Variants in KLC2 observed in about 807,000 individuals in gnomAD.
KLC2 encodes the protein KLC 2.
In KLC2, 35 loss-of-function variants were observed where a neutral mutation model predicts 75.1. The observed-to-expected ratio is 0.47, with a 90% CI of 0.36 to 0.62. The LOEUF is 0.62. Ranked by LOEUF, KLC2 falls within the 20% of genes least tolerant of loss-of-function variation. KLC2 has a pLI of 0.00. For synonymous variants in KLC2, 314 were observed against 336.7 expected, an observed-to-expected ratio of 0.93 and a Z score of 0.74; for missense variants, 611 against 833.2, an observed-to-expected ratio of 0.73 and a Z score of 3.28.
At chr11:66,244,251 C>T in the KLC2 span, 1 of 152,438 alleles carries the variant, frequency 6.6e-6, no homozygotes, top group Non-Finnish European at 1.5e-5. Context: ...CCATTCATCT[C>T]CCTCCTCCCA....
At chr11:66,254,632 T>C (rs917479354), upstream of KLC2, among the ~76,000 whole-genome samples, 16 of 135,336 alleles carry the variant, frequency 1.2e-4, no homozygotes, top group Admixed American at 1.1e-3. Flanking sequence ...GGCACTGCAC[T>C]GCACCCTGGG....
At chr11:66,251,027 C>G in the KLC2 span, among the ~76,000 whole-genome samples, 2 of 152,078 alleles carry the variant, frequency 1.3e-5, no homozygotes, top group Non-Finnish European at 2.9e-5. Flanking sequence ...TACAACACAC[C>G]GGGAGAAACA....
In KLC2 at chr11:66,266,228, C is replaced by T. The variant is rs777042801; in HGVS notation, c.1727+11C>T. 1.3e-5 allele frequency: 21 copies of T among 1,591,932 alleles called. No individual in the cohort carries two copies. The Admixed American group carries it at 3.5e-4, about 26-fold the overall frequency. On this transcript the variant is annotated intron_variant, in intron 14 of 15. Coordinates refer to ENST00000394067, the MANE Select transcript of KLC2 (RefSeq NM_001318734.2). The stretch of plus-strand genomic sequence containing the variant: ...GCCCCCTAACCCCAGGTGAGCCCCC[C>T]ACCAAGGTGAGCCTCAAGAACCACC...
At chr11:66,260,707 C>T (rs375693091) in intron 2 of KLC2, among the ~76,000 whole-genome samples, 2 of 152,118 alleles carry the variant, frequency 1.3e-5, no homozygotes, top group African/African-American at 4.8e-5. Flanking sequence ...AGTGATTCTC[C>T]TGCCTCAGCC....
At chr11:66,245,516 GACC>G in the KLC2 span, among the ~76,000 whole-genome samples, 1 of 152,158 alleles carries the variant, frequency 6.6e-6, no homozygotes, top group African/African-American at 2.4e-5. Context: ...AGGAGATTAA[GACC>G]ATCCTGGCCA....
Position 66,263,674 on chromosome 11 carries a change from A to G in KLC2, c.767A>G (p.Tyr256Cys). 6.2e-7 allele frequency: 1 copy of G among 1,613,660 alleles called. No homozygotes were observed. Among genetic ancestry groups the G allele is most frequent in the Non-Finnish European group, 8.5e-7 (1 of 1,179,608 alleles). ...CCTGCTCCCAGGGATCAGAACAAGTACAAGGAGGCTGCCCACCTGCTCAAT... is the reference window on the plus strand; with the variant it reads ...CCTGCTCCCAGGGATCAGAACAAGTGCAAGGAGGCTGCCCACCTGCTCAAT... ...LALVYRDQNKYKEAAHLLNDA... is the reference protein window; with the variant it reads ...LALVYRDQNKCKEAAHLLNDA... Residue 256 changes from tyrosine to cysteine, a missense_variant, in exon 6 of 16, where the codon TAC (tyrosine) becomes TGC (cysteine). By Grantham distance (194) the Tyr-to-Cys change is radical. Transcript: ENST00000394067.
Position 66,267,357 on chromosome 11 carries a change from T to C in KLC2, c.*401T>C, listed in dbSNP as rs766181716. Reference sequence around the variant, plus strand: ...CTTCTGTATATAGAGAAATAAGTTATTGGCCGCGCGCCTCCCTTCAGTCCA... The same window carrying C: ...CTTCTGTATATAGAGAAATAAGTTACTGGCCGCGCGCCTCCCTTCAGTCCA... On this transcript the variant is annotated 3_prime_UTR_variant, in exon 16 of 16. Coordinates refer to ENST00000394067, the MANE Select transcript of KLC2 (RefSeq NM_001318734.2). 22 of 736,174 alleles carry C rather than the reference T, an allele frequency of 3.0e-5. No homozygotes were observed. The African/African-American group carries it at 3.5e-4, about 12-fold the overall frequency. The allele number at this position is 736,174 out of a possible 1,614,324, so 45.6% of individuals were successfully genotyped here. A position where few individuals can be genotyped will look rare whatever the true frequency, so the allele number is the denominator to read the frequency against.
Position 66,258,689 on chromosome 11 carries a change from G to C in KLC2, c.95G>C (p.Arg32Pro). Residue 32 changes from arginine (R) to proline (P), a missense_variant, in exon 2 of 16, where the codon CGT becomes CCT. Arg to Pro is a moderately radical substitution (Grantham distance 103). Coordinates refer to ENST00000394067, the MANE Select transcript of KLC2 (RefSeq NM_001318734.2). ...GTCATCCAGGGACTGGAGACTCTGC[G>C]TGGGGAGCATCGTGCCCTGCTGGCT... ...KAVIQGLETL[R>P]GEHRALLAPL... The C allele has an allele frequency of 6.2e-7, 1 of 1,613,970 alleles. No homozygotes were observed. Among genetic ancestry groups the C allele is most frequent in the Non-Finnish European group, 8.5e-7 (1 of 1,179,972 alleles).
chr11:66,258,881 G>C, intron 2 of KLC2, 59 bp downstream of exon 2: 1 of 1,197,604 alleles, frequency 8.4e-7, no homozygotes, highest in Non-Finnish European at 1.2e-6. Flanking sequence ...CCTTCAAGAG[G>C]AATCCGGTAA....
At chr11:66,264,592 C>T (rs976991821) in intron 9 of KLC2, 148 bp downstream of exon 9, 2 of 680,694 alleles carry the variant, frequency 2.9e-6, no homozygotes, top group Non-Finnish European at 5.3e-6. Flanking sequence ...GCCCAGCCAC[C>T]TGTGCTCACG....
upstream of KLC2, among the ~76,000 whole-genome samples, chr11:66,253,689 A>G (rs1275067164): frequency 6.6e-6 from 1 of 152,234 alleles, no homozygotes; most frequent in African/African-American, 2.4e-5. Flanking sequence ...ACACAGTGCA[A>G]TCCTCAGAGA....
rs774124559 is a variant in KLC2, at chr11:66,262,851, T to C, written c.567T>C (p.His189=). 15 of 1,613,204 alleles carry C rather than the reference T, an allele frequency of 9.3e-6. No homozygotes were observed. In the East Asian group the frequency reaches 2.7e-4, roughly 29 times the overall value. Residue 189 remains histidine (H), a synonymous_variant, in exon 5 of 16, where the codon CAT becomes CAC. Transcript: ENST00000394067. ...SPGGGDVSGQ[H]GGYEIPARLR... is the part of the protein sequence containing the mutation. ...GAGGAGGGGATGTGTCTGGTCAGCA[T>C]GGGGGCTACGAGATCCCGGCCCGGC...
Position 66,258,838 on chromosome 11 carries a change from G to A in KLC2, c.228+16G>A, listed in dbSNP as rs1207261700. Reference sequence around the variant, plus strand: ...GGAGGCCCAGGTAGGTCAGTCTGGGGCACTGAGGTGGGAGGTCACTGGAGG... The same window carrying A: ...GGAGGCCCAGGTAGGTCAGTCTGGGACACTGAGGTGGGAGGTCACTGGAGG... On this transcript the variant is annotated intron_variant, in intron 2 of 15. Transcript: ENST00000394067. 1.9e-6 allele frequency: 3 copies of A among 1,569,132 alleles called. No individual in the cohort carries two copies. Among genetic ancestry groups the A allele is most frequent in the Admixed American group, 3.4e-5 (2 of 59,432 alleles).
At chr11:66,262,687 A>G (rs1007509901) in intron 4 of KLC2, 127 bp from the exon 5 acceptor site, 9 of 688,780 alleles carry the variant, frequency 1.3e-5, no homozygotes, top group Non-Finnish European at 1.8e-5. Context: ...AAATGGGGAA[A>G]CTGAGAAAGA....
chr11:66,265,544 G>A (rs1160573785), intron 11 of KLC2, 111 bp from the exon 12 acceptor site: 1 of 881,560 alleles, frequency 1.1e-6, no homozygotes, highest in Non-Finnish European at 1.7e-6. Context: ...GGAAGGAATG[G>A]ATTCTGGCTA....
chr11:66,245,712 C>CT, the KLC2 span, among the ~76,000 whole-genome samples: 2 of 144,842 alleles, frequency 1.4e-5, no homozygotes, highest in African/African-American at 2.6e-5. Flanking sequence ...GAGACTCCGT[C>CT]TCAAAAAAAA....
chr11:66,263,585 C>T (rs1565172509), intron 5 of KLC2, 75 bp from the exon 6 acceptor site: 1 of 1,011,318 alleles, frequency 9.9e-7, no homozygotes, highest in East Asian at 2.4e-5. Context: ...ACAGGAGTGA[C>T]CACAGGGATT....
In KLC2 at chr11:66,261,905, A is replaced by G. The variant is rs1350064237; in HGVS notation, c.392A>G (p.Glu131Gly). Reference protein sequence around the residue: ...QRSEQAVAQLEEEKQHLLFMS... With the variant: ...QRSEQAVAQLGEEKQHLLFMS... ...AGTGAGCAGGCCGTGGCCCAGCTCG[A>G]GGAGGAGAAGCAGCACTTGCTGTTC... The change falls in exon 3 of 16, where the codon GAG becomes GGG. Residue 131 changes from glutamate (E) to glycine (G), a missense_variant. Coordinates refer to ENST00000394067, the MANE Select transcript of KLC2 (RefSeq NM_001318734.2). The G allele has an allele frequency of 1.2e-6, 2 of 1,614,088 alleles. No individual in the cohort carries two copies. Among genetic ancestry groups the G allele is most frequent in the Admixed American group, 1.7e-5 (1 of 60,010 alleles).
In KLC2 at chr11:66,258,725, C is replaced by A; in HGVS notation, c.131C>A (p.Ala44Glu). The change falls in exon 2 of 16, where the codon GCA (alanine) becomes GAA (glutamate). Residue 44 changes from alanine to glutamate, a missense_variant. Transcript: ENST00000394067. Reference protein sequence around the residue: ...EHRALLAPLVAPEAGEAEPGS... With the variant: ...EHRALLAPLVEPEAGEAEPGS... ...CGTGCCCTGCTGGCTCCTCTGGTTG[C>A]ACCTGAGGCCGGCGAAGCCGAGCCT... 1 of 1,613,512 alleles carries A rather than the reference C, an allele frequency of 6.2e-7. No individual in the cohort carries two copies.
Sources: allele counts gnomAD v4.1 joint callset (sites outside exome capture counted in the v4.1 genomes callset), GRCh38; gene constraint gnomAD v4.1.1; transcripts MANE v1.5; gene names NCBI Gene and HGNC (gene_info 2026-07-23, HGNC 2026-07-21).